The following POFUT3 variants were observed in gnomAD, a reference collection of about 807,000 sequenced individuals.
POFUT3 encodes protein O-fucosyltransferase 3.
the POFUT3 span, among the ~76,000 whole-genome samples, chr8:33,309,465 G>A: frequency 1.3e-5 from 2 of 151,612 alleles, no homozygotes; most frequent in African/African-American, 4.9e-5. Flanking sequence ...GAGGCTGAGA[G>A]AAAATGCCAT....
chr8:33,409,357 C>T, the POFUT3 span, among the ~76,000 whole-genome samples: 1 of 152,170 alleles, frequency 6.6e-6, no homozygotes, highest in East Asian at 1.9e-4. Context: ...CCCGCCTTGG[C>T]CTCCCAAAGT....
chr8:33,379,012 G>A, the POFUT3 span, among the ~76,000 whole-genome samples: 2 of 152,086 alleles, frequency 1.3e-5, no homozygotes, highest in Non-Finnish European at 2.9e-5. Context: ...TCTCCCCCAT[G>A]CTGTTGTCAT....
At chr8:33,376,767 C>G in the POFUT3 span, among the ~76,000 whole-genome samples, 3 of 152,148 alleles carry the variant, frequency 2.0e-5, no homozygotes, top group Non-Finnish European at 4.4e-5. Context: ...ATTACATTAG[C>G]CAGAGTTCAT....
the POFUT3 span, among the ~76,000 whole-genome samples, chr8:33,449,935 C>CTTTTTTTT: frequency 8.9e-6 from 1 of 112,338 alleles, no homozygotes; most frequent in East Asian, 2.6e-4. Flanking sequence ...TGAAGCTTTT[C>CTTTTTTTT]TTTTTTTTTT....
chr8:33,342,860 C>T, the POFUT3 span, among the ~76,000 whole-genome samples: 3 of 152,146 alleles, frequency 2.0e-5, no homozygotes, highest in African/African-American at 4.8e-5. Flanking sequence ...AAAGCCAGCA[C>T]TTTGGGATGC....
the POFUT3 span, among the ~76,000 whole-genome samples, chr8:33,398,218 T>G: frequency 6.6e-6 from 1 of 152,002 alleles, no homozygotes; most frequent in African/African-American, 2.4e-5. Flanking sequence ...TTTTTTGTTT[T>G]GTTTTTCAAT....
At chr8:33,471,119 A>G in the POFUT3 span, among the ~76,000 whole-genome samples, 5 of 152,234 alleles carry the variant, frequency 3.3e-5, no homozygotes, top group South Asian at 1.0e-3. Flanking sequence ...TCAAAAACCC[A>G]TGTTCAGAAA....
chr8:33,333,961 C>A, the POFUT3 span, among the ~76,000 whole-genome samples: 2 of 152,034 alleles, frequency 1.3e-5, no homozygotes, highest in Non-Finnish European at 2.9e-5. Flanking sequence ...TAGAAAAGTT[C>A]TTCTCTCCTT....
the POFUT3 span, among the ~76,000 whole-genome samples, chr8:33,417,139 G>A: frequency 6.6e-6 from 1 of 152,198 alleles, no homozygotes; most frequent in African/African-American, 2.4e-5. Flanking sequence ...TCTCACAGAA[G>A]CATGAACCCT....
At chr8:33,386,530 G>A in the POFUT3 span, among the ~76,000 whole-genome samples, 9 of 152,140 alleles carry the variant, frequency 5.9e-5, no homozygotes, top group Non-Finnish European at 1.3e-4. Flanking sequence ...CTATTTACCC[G>A]CTGGGCGCTG....
the POFUT3 span, among the ~76,000 whole-genome samples, chr8:33,469,167 G>A: frequency 6.6e-6 from 1 of 152,060 alleles, no homozygotes; most frequent in Non-Finnish European, 1.5e-5. Context: ...TTAGCTGGGT[G>A]TGGTGGTGCG....
chr8:33,329,512 A>G, the POFUT3 span, among the ~76,000 whole-genome samples: 1 of 152,180 alleles, frequency 6.6e-6, no homozygotes, highest in African/African-American at 2.4e-5. Context: ...ATGATACTGG[A>G]CCCATAACTA....
chr8:33,318,824 TA>T, the POFUT3 span, among the ~76,000 whole-genome samples: 2 of 54,266 alleles, frequency 3.7e-5, no homozygotes, highest in African/African-American at 1.1e-4. Flanking sequence ...TATATATATA[TA>T]TTTTATATAT....
the POFUT3 span, among the ~76,000 whole-genome samples, chr8:33,393,855 A>C: frequency 2.6e-5 from 4 of 152,188 alleles, no homozygotes; most frequent in African/African-American, 9.7e-5. Context: ...CTTAATTTGG[A>C]AAAGAGAAGT....
At chr8:33,427,282 CA>C in the POFUT3 span, among the ~76,000 whole-genome samples, 3 of 148,562 alleles carry the variant, frequency 2.0e-5, no homozygotes, top group East Asian at 5.8e-4. Context: ...CTCTTAAAAA[CA>C]AAAACAAAAA....
the POFUT3 span, among the ~76,000 whole-genome samples, chr8:33,344,167 T>C: frequency 3.3e-5 from 5 of 152,244 alleles, no homozygotes; most frequent in Non-Finnish European, 5.9e-5. Context: ...GTTTCCCCTA[T>C]GCATGTTAAA....
the POFUT3 span, among the ~76,000 whole-genome samples, chr8:33,431,152 C>A: frequency 6.6e-6 from 1 of 152,072 alleles, no homozygotes; most frequent in South Asian, 2.1e-4. Context: ...TTATTCTAAG[C>A]AGAGACCACT....
chr8:33,462,224 A>G, the POFUT3 span, among the ~76,000 whole-genome samples: 2 of 102,464 alleles, frequency 2.0e-5, no homozygotes, highest in Admixed American at 2.0e-4. Context: ...GAGGAGAGTG[A>G]CAAATCTACA....
chr8:33,389,160 G>A, the POFUT3 span: 116 of 1,613,974 alleles, frequency 7.2e-5, 2 homozygotes, highest in South Asian at 7.6e-4. Context: ...GAATCCAGTC[G>A]TCTGATGTAA....
Sources: allele counts gnomAD v4.1 joint callset (sites outside exome capture counted in the v4.1 genomes callset), GRCh38; gene constraint gnomAD v4.1.1; transcripts MANE v1.5; gene names NCBI Gene and HGNC (gene_info 2026-07-23, HGNC 2026-07-21).